The following UBE2H variants were observed in gnomAD, a reference collection of about 807,000 sequenced individuals.
UBE2H encodes the protein ubiquitin-conjugating enzyme E2 H.
Under a neutral mutation model 29.0 loss-of-function variants are expected in UBE2H, and 3 were observed. The observed-to-expected ratio is 0.10, with a 90% CI of 0.05 to 0.27. The LOEUF (loss-of-function observed/expected upper bound fraction) is 0.27, where lower values mean the gene tolerates loss of function less well. UBE2H is among the 10% of genes least tolerant of loss of function. The pLI is 1.00. For missense variants in UBE2H, 68 were observed against 228.2 expected (o/e 0.30, Z 4.52); for synonymous variants, 69 against 82.9 (o/e 0.83, Z 0.91).
At chr7:129,931,240 T>A (rs1807388588) in intron 1 of UBE2H, among the ~76,000 whole-genome samples, 1 of 145,920 alleles carries the variant, frequency 6.9e-6, no homozygotes, top group Non-Finnish European at 1.5e-5. Flanking sequence ...AAAAAAAAAA[T>A]TGCCACGCGT....
intron 1 of UBE2H, among the ~76,000 whole-genome samples, chr7:129,882,379 A>G: frequency 6.6e-6 from 1 of 152,238 alleles, no homozygotes; most frequent in East Asian, 1.9e-4. Context: ...CAAAACAGAA[A>G]CATTTAAAAA....
At chr7:129,855,778 T>C (rs1584746593) in intron 5 of UBE2H, among the ~76,000 whole-genome samples, 1 of 152,208 alleles carries the variant, frequency 6.6e-6, no homozygotes, top group Non-Finnish European at 1.5e-5. Flanking sequence ...GCACCTATAG[T>C]CCCAGCTACT....
At chr7:129,939,690 T>C (rs1182609373) in intron 1 of UBE2H, among the ~76,000 whole-genome samples, 1 of 152,164 alleles carries the variant, frequency 6.6e-6, no homozygotes, top group Non-Finnish European at 1.5e-5. Flanking sequence ...CTGGGCACGG[T>C]GGCTCATGCC....
intron 1 of UBE2H, among the ~76,000 whole-genome samples, chr7:129,902,146 T>C (rs771516568): frequency 2.0e-5 from 3 of 152,172 alleles, no homozygotes; most frequent in Non-Finnish European, 4.4e-5. Flanking sequence ...AATAAAAAAA[T>C]GTAACTTTAG....
intron 1 of UBE2H, among the ~76,000 whole-genome samples, chr7:129,927,778 A>C (rs1406628927): frequency 6.6e-6 from 1 of 152,160 alleles, no homozygotes; most frequent in African/African-American, 2.4e-5. Context: ...TTTCATAGAA[A>C]TGGAGCAGAA....
At position 129,830,879 on chromosome 7, in the gene UBE2H, A is replaced by G. The variant is rs1445149998; in HGVS notation, c.*4058T>C. 3 of 149,492 alleles carry G rather than the reference A, an allele frequency of 2.0e-5. No individual in the cohort carries two copies. The highest frequency in any genetic ancestry group is 3.0e-5 in the Non-Finnish European group (2 of 67,592). The allele number at this position is 149,492 out of a possible 1,614,324, so 9.3% of individuals were successfully genotyped here. On this transcript the variant is annotated 3_prime_UTR_variant, in exon 7 of 7. Transcript: ENST00000355621. ...CAATGCAAGGAGAAAGGTGGAAGGG[A>G]GGAGACAGGGCGAGGAAAAATAAGC...
intron 5 of UBE2H, among the ~76,000 whole-genome samples, chr7:129,840,353 A>AT (rs926283188): frequency 6.0e-4 from 88 of 146,044 alleles, no homozygotes; most frequent in Middle Eastern, 3.6e-3. Flanking sequence ...TACCCAGCTA[A>AT]TTTTTTTTTT....
chr7:129,946,774 T>C (rs1249489825), intron 1 of UBE2H, among the ~76,000 whole-genome samples: 1 of 152,244 alleles, frequency 6.6e-6, no homozygotes, highest in Admixed American at 6.5e-5. Flanking sequence ...TGGTTTTCCT[T>C]CTTGTAACCT....
rs550520594 is a variant in UBE2H at position 129,912,015 on chromosome 7, C to A, written c.54-31044G>T. On this transcript the variant is annotated intron_variant, in intron 1 of 6. Transcript: ENST00000355621. ...AGAATGAAGCCTAAGGGAAAAACAA[C>A]CTTTAATACATGTACACAGAGAGAT... Among the ~76,000 whole-genome samples the A allele has an allele frequency of 7.2e-5, 11 of 152,194 alleles. No individual in the cohort carries two copies. The South Asian group carries it at 2.1e-3, about 29-fold the overall frequency.
intron 3 of UBE2H, among the ~76,000 whole-genome samples, chr7:129,867,696 TAATAAAAAAAAAAAAAAAAAAGAAAACC>T (rs1805933147): frequency 5.6e-5 from 1 of 17,956 alleles, no homozygotes; most frequent in African/African-American, 2.5e-4. Context: ...ACTTAGAGTA[TAATAAAAAAAAAAAAAAAAAAGAAAACC>T]AAAAAAAAAA....
At chr7:129,884,143 C>T (rs573470435) in intron 1 of UBE2H, among the ~76,000 whole-genome samples, 4 of 151,874 alleles carry the variant, frequency 2.6e-5, no homozygotes, top group East Asian at 1.9e-4. Flanking sequence ...TTTGGCCAGG[C>T]GCGGTGGCTC....
intron 3 of UBE2H, among the ~76,000 whole-genome samples, chr7:129,867,159 A>G (rs967245284): frequency 1.3e-5 from 2 of 152,134 alleles, no homozygotes; most frequent in African/African-American, 4.8e-5. Flanking sequence ...TTTATTTTTA[A>G]TATTTATTAT....
rs1370226667 is a variant in UBE2H at position 129,879,701 on chromosome 7, G to C, written c.131-59C>G. The C allele has an allele frequency of 1.3e-5, 19 of 1,476,794 alleles. No homozygotes were observed. The Admixed American group carries it at 3.5e-4, about 27-fold the overall frequency. 91.5% of individuals were successfully genotyped at this position (1,476,794 alleles called of 1,614,324 possible). A position where few individuals can be genotyped will look rare whatever the true frequency, so the allele number is the denominator to read the frequency against. On this transcript the variant is annotated intron_variant, in intron 2 of 6. Transcript: ENST00000355621. Reference sequence around the variant, plus strand: ...CATCTCCAAATTAGAAAATAAATCTGAGTGTAAATTAAACATTATCCCCTA... The same window carrying C: ...CATCTCCAAATTAGAAAATAAATCTCAGTGTAAATTAAACATTATCCCCTA...
At chr7:129,866,567 C>T (rs1006709338) in intron 3 of UBE2H, among the ~76,000 whole-genome samples, 1 of 152,152 alleles carries the variant, frequency 6.6e-6, no homozygotes, top group East Asian at 1.9e-4. Context: ...ACTCACAAGA[C>T]CCAACTACAA....
chr7:129,847,578 G>T (rs933335235), intron 5 of UBE2H, among the ~76,000 whole-genome samples: 1 of 152,124 alleles, frequency 6.6e-6, no homozygotes, highest in South Asian at 2.1e-4. Context: ...CAAGGCTCAA[G>T]TGATCCTCTT....
At chr7:129,921,127 T>C (rs1408590493) in intron 1 of UBE2H, among the ~76,000 whole-genome samples, 6 of 152,192 alleles carry the variant, frequency 3.9e-5, no homozygotes, top group African/African-American at 1.4e-4. Context: ...ACAATTTCAC[T>C]TACTTGGTAA....
chr7:129,905,227 G>A (rs80070380), intron 1 of UBE2H, among the ~76,000 whole-genome samples: 5,606 of 151,794 alleles, frequency 0.037, 156 homozygotes, highest in South Asian at 0.13. Context: ...AGGGGCCACT[G>A]AAGCAACTAG....
intron 3 of UBE2H, among the ~76,000 whole-genome samples, chr7:129,863,655 T>C (rs1805841740): frequency 6.6e-6 from 1 of 151,914 alleles, no homozygotes. Context: ...CATGATAAAA[T>C]ACCATAAAGA....
At position 129,833,265 on chromosome 7, in the gene UBE2H, T is replaced by C. The variant is rs1805263854; in HGVS notation, c.*1672A>G. ...TGCTTTTTGAATAAAAAAGATAGGG[T>C]ATCTTCCAACCTCACTGACTTAAAC... On this transcript the variant is annotated 3_prime_UTR_variant, in exon 7 of 7. Transcript: ENST00000355621. 6.6e-6 allele frequency: 1 copy of C among 152,610 alleles called. No homozygotes were observed. Among genetic ancestry groups the C allele is most frequent in the African/African-American group, 2.4e-5 (1 of 41,458 alleles). The allele number at this position is 152,610 out of a possible 1,614,324, so 9.5% of individuals were successfully genotyped here. A position where few individuals can be genotyped will look rare whatever the true frequency, so the allele number is the denominator to read the frequency against.
Sources: gnomAD v4.1 joint callset for allele counts (sites outside exome capture counted in the v4.1 genomes callset) on GRCh38, gnomAD v4.1.1 for gene constraint, MANE v1.5 for transcripts, NCBI Gene and HGNC (gene_info 2026-07-23, HGNC 2026-07-21) for gene names.